The following FTCDNL1 variants were observed in gnomAD, a reference collection of about 807,000 sequenced individuals.
FTCDNL1 encodes formiminotransferase cyclodeaminase N-terminal like, also known as formiminotransferase N-terminal subdomain-containing protein.
A neutral mutation model predicts 5.9 loss-of-function variants in FTCDNL1; 11 were observed. That is an observed-to-expected ratio of 1.87 (90% CI 1.18 to 3.10). The LOEUF (loss-of-function observed/expected upper bound fraction) is 3.10. Ranked by LOEUF, FTCDNL1 falls within the 30% of genes most tolerant of loss-of-function variation. The pLI, the probability that FTCDNL1 is intolerant of heterozygous loss-of-function variation, is 0.00. For synonymous variants in FTCDNL1, 58 were observed against 24.8 expected (o/e 2.34, Z -3.99); for missense variants, 115 against 65.5 (o/e 1.76, Z -2.61).
chr2:199,808,152 G>C (rs1286250252), downstream of FTCDNL1, among the ~76,000 whole-genome samples: 3 of 152,098 alleles, frequency 2.0e-5, no homozygotes, highest in African/African-American at 2.4e-5. Context: ...AGTTTCCTGA[G>C]GCCTCCCCAG....
At chr2:199,827,332 C>T (rs928635245) in intron 3 of FTCDNL1, among the ~76,000 whole-genome samples, 3 of 151,976 alleles carry the variant, frequency 2.0e-5, no homozygotes, top group Non-Finnish European at 2.9e-5. Flanking sequence ...TGGGGGATTT[C>T]GGGGGACAGG....
the FTCDNL1 span, among the ~76,000 whole-genome samples, chr2:199,689,619 T>G: frequency 2.5e-3 from 376 of 152,234 alleles, 5 homozygotes; most frequent in African/African-American, 8.4e-3. Flanking sequence ...GGGGGTAATT[T>G]GGCAATATGT....
chr2:199,697,312 C>G, the FTCDNL1 span, among the ~76,000 whole-genome samples: 1 of 151,896 alleles, frequency 6.6e-6, no homozygotes, highest in Non-Finnish European at 1.5e-5. Context: ...ATGACTATCC[C>G]CAAGACACAT....
intron 3 of FTCDNL1, chr2:199,844,365 C>A (rs1257257668): frequency 3.8e-6 from 2 of 520,802 alleles, no homozygotes; most frequent in Non-Finnish European, 7.0e-6. Context: ...CACATAACCC[C>A]AAACTTTCTC....
intron 3 of FTCDNL1, among the ~76,000 whole-genome samples, chr2:199,828,175 T>C (rs1274166399): frequency 6.6e-6 from 1 of 152,180 alleles, no homozygotes; most frequent in African/African-American, 2.4e-5. Context: ...AAAAATCTCA[T>C]ATTTAGTCAG....
chr2:199,696,123 G>A, the FTCDNL1 span, among the ~76,000 whole-genome samples: 4 of 152,146 alleles, frequency 2.6e-5, no homozygotes, highest in Non-Finnish European at 4.4e-5. Flanking sequence ...GCACTCTCCC[G>A]CAGCTTCCCA....
chr2:199,738,463 TGA>T, the FTCDNL1 span, among the ~76,000 whole-genome samples: 1 of 152,176 alleles, frequency 6.6e-6, no homozygotes, highest in Non-Finnish European at 1.5e-5. Context: ...CAAGCAAGGG[TGA>T]AATTACTAAC....
chr2:199,718,912 G>T, the FTCDNL1 span, among the ~76,000 whole-genome samples: 1 of 151,428 alleles, frequency 6.6e-6, no homozygotes, highest in African/African-American at 2.4e-5. Context: ...TCTTCTTCTT[G>T]AGTTGTTTAA....
chr2:199,839,864 C>T (rs2076534987), intron 3 of FTCDNL1, among the ~76,000 whole-genome samples: 1 of 152,172 alleles, frequency 6.6e-6, no homozygotes, highest in African/African-American at 2.4e-5. Context: ...AGAATAATGG[C>T]ACTTTCCGAT....
intron 3 of FTCDNL1, among the ~76,000 whole-genome samples, chr2:199,839,145 A>G (rs1467518420): frequency 6.6e-6 from 1 of 151,954 alleles, no homozygotes; most frequent in Non-Finnish European, 1.5e-5. Context: ...ATTATCAAAC[A>G]TTTAAGGAAA....
At chr2:199,756,780 C>T (rs537303808), downstream of FTCDNL1, among the ~76,000 whole-genome samples, 4 of 152,302 alleles carry the variant, frequency 2.6e-5, no homozygotes, top group East Asian at 5.8e-4. Context: ...ACCCATGTTG[C>T]ACATGCATCC....
At chr2:199,758,546 T>A (rs1296239320), downstream of FTCDNL1, among the ~76,000 whole-genome samples, 1 of 151,860 alleles carries the variant, frequency 6.6e-6, no homozygotes, top group Non-Finnish European at 1.5e-5. Flanking sequence ...TGGAGGATAA[T>A]TTCTTAGTAT....
chr2:199,807,614 G>C (rs777468655), downstream of FTCDNL1, among the ~76,000 whole-genome samples: 3 of 152,124 alleles, frequency 2.0e-5, no homozygotes, highest in Non-Finnish European at 2.9e-5. Flanking sequence ...TCCAACCTGG[G>C]TAACAGAATG....
intron 3 of FTCDNL1, among the ~76,000 whole-genome samples, chr2:199,794,179 G>C (rs1040648731): frequency 6.6e-6 from 1 of 152,158 alleles, no homozygotes; most frequent in African/African-American, 2.4e-5. Flanking sequence ...GTACACACTG[G>C]TGGAAAATTT....
the FTCDNL1 span, among the ~76,000 whole-genome samples, chr2:199,744,913 G>C: frequency 6.6e-6 from 1 of 152,186 alleles, no homozygotes; most frequent in Admixed American, 6.5e-5. Context: ...GAAAACGCCC[G>C]TTCCTCGCAA....
At chr2:199,774,490 G>C (rs1698962363) in intron 3 of FTCDNL1, among the ~76,000 whole-genome samples, 1 of 152,072 alleles carries the variant, frequency 6.6e-6, no homozygotes, top group South Asian at 2.1e-4. Flanking sequence ...AATTCCTGAG[G>C]GGTACATGTT....
chr2:199,685,330 AGCCTTAGAGTGG>A, the FTCDNL1 span, among the ~76,000 whole-genome samples: 3 of 152,154 alleles, frequency 2.0e-5, no homozygotes, highest in Admixed American at 2.0e-4. Flanking sequence ...TTGGAAATAG[AGCCTTAGAGTGG>A]GCCTTAGAGT....
intron 3 of FTCDNL1, among the ~76,000 whole-genome samples, chr2:199,842,840 C>T (rs922750806): frequency 6.6e-6 from 1 of 151,544 alleles, no homozygotes; most frequent in African/African-American, 2.4e-5. Flanking sequence ...CTGGGAAAGC[C>T]TTATTCTAGG....
intron 3 of FTCDNL1, among the ~76,000 whole-genome samples, chr2:199,820,441 C>G (rs762452416): frequency 6.6e-6 from 1 of 151,850 alleles, no homozygotes; most frequent in Non-Finnish European, 1.5e-5. Context: ...CCTATCTCTA[C>G]AAAAACTAAA....
Sources: gnomAD v4.1 joint callset for allele counts (sites outside exome capture counted in the v4.1 genomes callset) on GRCh38, gnomAD v4.1.1 for gene constraint, MANE v1.5 for transcripts, NCBI Gene and HGNC (gene_info 2026-07-23, HGNC 2026-07-21) for gene names.